ZFYVE28: variants seen among roughly 807,000 people sequenced by gnomAD.
ZFYVE28 encodes the protein lateral signaling target protein 2 homolog.
A neutral mutation model predicts 82.1 loss-of-function variants in ZFYVE28; 40 were observed. That is an observed-to-expected ratio of 0.49 (90% CI 0.38 to 0.63). The LOEUF (loss-of-function observed/expected upper bound fraction) is 0.63, where lower values mean the gene tolerates loss of function less well. ZFYVE28 is among the 30% of genes least tolerant of loss of function. The probability of loss-of-function intolerance (pLI) is 0.00; values close to 1 mark genes in which losing one functional copy is unlikely to be tolerated. For synonymous variants in ZFYVE28, 612 were observed against 546.1 expected (o/e 1.12, Z -1.68); for missense variants, 1,321 against 1,242.1 (o/e 1.06, Z -0.96).
intron 8 of ZFYVE28, among the ~76,000 whole-genome samples, chr4:2,292,709 C>T (rs1441355098): frequency 6.6e-6 from 1 of 152,176 alleles, no homozygotes; most frequent in African/African-American, 2.4e-5. Flanking sequence ...GATGGCTTCC[C>T]TGGTGAAGTC....
Position 2,304,771 on chromosome 4 carries a change from C to A in ZFYVE28, c.1569G>T (p.Ser523=). The change falls in exon 8 of 13, where the codon TCG becomes TCT. Residue 523 remains serine (S), a synonymous_variant. Coordinates refer to ENST00000290974, the MANE Select transcript of ZFYVE28 (RefSeq NM_020972.3). ...CGACCGCAGAGTCCAGGGAAGTGGG[C>A]GATTTGGGGTTGAAGATGACCGTGG... ...LSATVIFNPK[S]PTSLDSAVAT... is the part of the protein sequence containing the mutation. 6.2e-7 allele frequency: 1 copy of A among 1,612,660 alleles called. No individual in the cohort carries two copies. Among genetic ancestry groups the A allele is most frequent in the Non-Finnish European group, 8.5e-7 (1 of 1,179,954 alleles).
intron 1 of ZFYVE28, chr4:2,364,937 A>G (rs113561744): frequency 1.0e-6 from 1 of 981,464 alleles, no homozygotes; most frequent in Non-Finnish European, 1.2e-6. Context: ...GGGGCCCAGC[A>G]GGGGCGGCGC....
intron 1 of ZFYVE28, among the ~76,000 whole-genome samples, chr4:2,391,179 C>G (rs1474444593): frequency 6.6e-6 from 1 of 152,252 alleles, no homozygotes; most frequent in African/African-American, 2.4e-5. Context: ...CTCTCTCTCC[C>G]CTTCTGCTCC....
Position 2,414,486 on chromosome 4 carries a change from G to A in ZFYVE28, c.39+3799C>T, listed in dbSNP as rs1477957633. ...ATAAGGAATGTTCTCCTACAAAGCG[G>A]GGGGACAAGAAAGGTTAATAGCCCC... is the stretch of plus-strand genomic sequence containing the variant. On this transcript the variant is annotated intron_variant, in intron 1 of 12. Coordinates refer to ENST00000290974, the MANE Select transcript of ZFYVE28 (RefSeq NM_020972.3). 3.3e-5 allele frequency among the ~76,000 whole-genome samples: 5 copies of A among 152,188 alleles called. No individual in the cohort carries two copies. In the East Asian group the frequency reaches 7.7e-4, roughly 23 times the overall value.
chr4:2,337,340 C>T (rs986765387), intron 5 of ZFYVE28, 67 bp downstream of exon 5: 2 of 1,438,174 alleles, frequency 1.4e-6, no homozygotes, highest in Middle Eastern at 2.2e-4. Context: ...GCCCTCTGCC[C>T]CGGGCCTGGA....
In ZFYVE28 at chr4:2,320,757, G is replaced by A. The variant is rs1004337101; in HGVS notation, c.702-486C>T. Among the ~76,000 whole-genome samples, 18 of 152,172 alleles carry A rather than the reference G, an allele frequency of 1.2e-4. No individual in the cohort carries two copies. The highest frequency in any genetic ancestry group is 6.2e-4 in the South Asian group (3 of 4,814). ...GTTCCCTTCCTGCAGCCTGGCCAAC[G>A]CTCCACAAGCCACGAGACCAAAGCA... On this transcript the variant is annotated intron_variant, in intron 6 of 12. Transcript: ENST00000290974. The surrounding 1 kb of genome is among the most constrained non-coding windows in gnomAD (Gnocchi z 5.1).
intron 8 of ZFYVE28, among the ~76,000 whole-genome samples, chr4:2,291,736 C>G (rs1713737700): frequency 6.6e-6 from 1 of 152,208 alleles, no homozygotes; most frequent in African/African-American, 2.4e-5. Flanking sequence ...GGAATGGCAG[C>G]CTGCCACACT....
chr4:2,366,974 T>A lies in ZFYVE28; in HGVS notation c.40-12901A>T, dbSNP rs142112783. 1.4e-3 allele frequency among the ~76,000 whole-genome samples: 219 copies of A among 152,354 alleles called. 1 individual carries two copies. The highest frequency in any genetic ancestry group is 4.9e-3 in the African/African-American group (203 of 41,578). On this transcript the variant is annotated intron_variant, in intron 1 of 12. Transcript: ENST00000290974. ...TAATTGCAAATCTAGCAAAGCGTTT[T>A]CAAAGGGAAAATGAATTTTCAAATC...
At chr4:2,366,813 G>C (rs1726942632) in intron 1 of ZFYVE28, among the ~76,000 whole-genome samples, 1 of 152,234 alleles carries the variant, frequency 6.6e-6, no homozygotes, top group Non-Finnish European at 1.5e-5. Context: ...TGAGGATGAG[G>C]CATCCCCTAT....
At chr4:2,351,097 G>A (rs187084158) in intron 2 of ZFYVE28, among the ~76,000 whole-genome samples, 1 of 152,298 alleles carries the variant, frequency 6.6e-6, no homozygotes, top group East Asian at 1.9e-4. Flanking sequence ...ACCTGGACTT[G>A]GGATTGGCAT....
At chr4:2,282,416 G>A (rs975684395) in intron 8 of ZFYVE28, among the ~76,000 whole-genome samples, 6 of 152,182 alleles carry the variant, frequency 3.9e-5, no homozygotes, top group Non-Finnish European at 7.3e-5. Context: ...TGCTCCTCTT[G>A]AACAGCACAC....
rs549182644 is a variant in ZFYVE28 at position 2,375,099 on chromosome 4, C to T, written c.40-21026G>A. Among the ~76,000 whole-genome samples the T allele has an allele frequency of 7.2e-5, 11 of 152,306 alleles. No individual in the cohort carries two copies. In the East Asian group the frequency reaches 1.7e-3, roughly 24 times the overall value. On this transcript the variant is annotated intron_variant, in intron 1 of 12. Transcript: ENST00000290974. ...CTCCAGTACAAAGCTCTGAAAGTGC[C>T]GTGGCCTTTCCCAGGCACTGGCCCC...
At chr4:2,291,841 G>A (rs1713757397) in intron 8 of ZFYVE28, among the ~76,000 whole-genome samples, 1 of 152,206 alleles carries the variant, frequency 6.6e-6, no homozygotes, top group Non-Finnish European at 1.5e-5. Context: ...GGAGGCTGAG[G>A]CTGGACAGCC....
At chr4:2,288,413 A>G (rs1172415638) in intron 8 of ZFYVE28, among the ~76,000 whole-genome samples, 1 of 152,246 alleles carries the variant, frequency 6.6e-6, no homozygotes, top group Admixed American at 6.5e-5. Context: ...GTGGGGGAGC[A>G]TCGGGCCCTG....
intron 4 of ZFYVE28, among the ~76,000 whole-genome samples, chr4:2,338,856 GCT>G (rs558333588): frequency 1.1e-3 from 166 of 152,202 alleles, no homozygotes; most frequent in African/African-American, 3.7e-3. Context: ...ATGCAGTCTC[GCT>G]CTCTCGCCCA....
rs565488270 is a variant in ZFYVE28, at chr4:2,397,941, G to A, written c.39+20344C>T. Among the ~76,000 whole-genome samples the A allele has an allele frequency of 3.1e-3, 474 of 151,310 alleles. 2 individuals are homozygous for A. The highest frequency in any genetic ancestry group is 0.011 in the African/African-American group (460 of 41,172). On this transcript the variant is annotated intron_variant, in intron 1 of 12. Transcript: ENST00000290974. ...GATGTGCAGTGAGAAACTAGGAGGAGAGCTGAGGCGGGTTTCCAGGTGTGA... is the reference window on the plus strand; with the variant it reads ...GATGTGCAGTGAGAAACTAGGAGGAAAGCTGAGGCGGGTTTCCAGGTGTGA...
At chr4:2,340,161 C>T (rs765493629) in intron 3 of ZFYVE28, among the ~76,000 whole-genome samples, 26 of 152,182 alleles carry the variant, frequency 1.7e-4, no homozygotes, top group Non-Finnish European at 3.7e-4. Context: ...TAGGGAGCCA[C>T]AGACACCACC....
intron 6 of ZFYVE28, chr4:2,330,528 G>A (rs897313932): frequency 1.6e-5 from 18 of 1,149,518 alleles, no homozygotes; most frequent in Admixed American, 4.3e-5. Flanking sequence ...GGACATTGCA[G>A]AGGAAGGGAC....
chr4:2,276,525 C>T (rs142863904), intron 8 of ZFYVE28, among the ~76,000 whole-genome samples: 9 of 152,304 alleles, frequency 5.9e-5, no homozygotes, highest in Non-Finnish European at 1.2e-4. Flanking sequence ...TGCACGCCCA[C>T]GTTCATAGCG....
Sources: allele counts gnomAD v4.1 joint callset (sites outside exome capture counted in the v4.1 genomes callset), GRCh38; gene constraint gnomAD v4.1.1; non-coding constraint Gnocchi (gnomAD v3.1); transcripts MANE v1.5; gene names NCBI Gene and HGNC (gene_info 2026-07-23, HGNC 2026-07-21).